The following MSI2 variants were observed in gnomAD, a reference collection of about 807,000 sequenced individuals.
The protein encoded by MSI2 is RNA-binding protein Musashi homolog 2.
MSI2 carries 17 observed loss-of-function variants against 45.6 expected under a neutral mutation model. The ratio of observed to expected loss-of-function variants is 0.37; its 90% CI spans 0.26 to 0.56. The LOEUF is 0.56. Among genes scored for constraint, MSI2 ranks in the 20% least tolerant of loss-of-function variants. The pLI, the probability that MSI2 is intolerant of heterozygous loss-of-function variation, is 0.77. For missense variants in MSI2, 293 were observed against 444.2 expected, an observed-to-expected ratio of 0.66 and a Z score of 3.06; for synonymous variants, 156 against 158.2, an observed-to-expected ratio of 0.99 and a Z score of 0.11.
intron 10 of MSI2, among the ~76,000 whole-genome samples, chr17:57,638,462 T>A (rs1324123056): frequency 6.6e-6 from 1 of 152,168 alleles, no homozygotes; most frequent in African/African-American, 2.4e-5. Context: ...GCCAGATGTG[T>A]TCCTGAGTGA....
intron 7 of MSI2, among the ~76,000 whole-genome samples, chr17:57,560,379 G>A (rs2087544977): frequency 6.6e-6 from 1 of 152,346 alleles, no homozygotes; most frequent in African/African-American, 2.4e-5. Context: ...GAGGAGCCCT[G>A]GAGCGGGGTT....
At chr17:57,287,645 G>GCTCCTACGTGGGGCATTGGAAAGCC (rs1225998025) in intron 5 of MSI2, among the ~76,000 whole-genome samples, 1 of 152,146 alleles carries the variant, frequency 6.6e-6, no homozygotes, top group Non-Finnish European at 1.5e-5. Context: ...CTGCCTTTCG[G>GCTCCTACGTGGGGCATTGGAAAGCC]CTCCTACGTG....
At chr17:57,686,886 T>C (rs903610387), downstream of MSI2, among the ~76,000 whole-genome samples, 1 of 152,114 alleles carries the variant, frequency 6.6e-6, no homozygotes, top group African/African-American at 2.4e-5. Flanking sequence ...AATAATGCAA[T>C]TAGTAAACCT....
chr17:57,575,741 C>G (rs986543101), intron 7 of MSI2, among the ~76,000 whole-genome samples: 2 of 151,500 alleles, frequency 1.3e-5, no homozygotes, highest in Admixed American at 1.3e-4. Flanking sequence ...GTCAGGAGAT[C>G]GAGACCATCC....
intron 7 of MSI2, among the ~76,000 whole-genome samples, chr17:57,594,812 G>A (rs1223018008): frequency 1.3e-5 from 2 of 152,082 alleles, no homozygotes; most frequent in African/African-American, 4.8e-5. Flanking sequence ...GGAGAAACTC[G>A]GCATCTTTGA....
chr17:57,404,945 TG>T (rs1295009108), intron 6 of MSI2, among the ~76,000 whole-genome samples: 2 of 152,290 alleles, frequency 1.3e-5, no homozygotes, highest in East Asian at 3.9e-4. Context: ...GCGTGGCCAC[TG>T]GCATAAGGAC....
intron 6 of MSI2, among the ~76,000 whole-genome samples, chr17:57,409,844 T>C (rs2084157999): frequency 6.6e-6 from 1 of 151,700 alleles, no homozygotes; most frequent in Admixed American, 6.6e-5. Flanking sequence ...CTGTCTCTAC[T>C]AAAAATACAA....
At chr17:57,481,657 T>A (rs1331629497) in intron 6 of MSI2, among the ~76,000 whole-genome samples, 1 of 152,222 alleles carries the variant, frequency 6.6e-6, no homozygotes, top group Non-Finnish European at 1.5e-5. Flanking sequence ...AAATGTTTCA[T>A]TTGAAAATGT....
At chr17:57,356,056 G>A (rs1450591527) in intron 5 of MSI2, among the ~76,000 whole-genome samples, 21 of 152,092 alleles carry the variant, frequency 1.4e-4, no homozygotes. Context: ...TCTGTTTTTA[G>A]TAGAGTTGGG....
At chr17:57,416,218 A>G (rs1299061011) in intron 6 of MSI2, among the ~76,000 whole-genome samples, 1 of 152,210 alleles carries the variant, frequency 6.6e-6, no homozygotes, top group Non-Finnish European at 1.5e-5. Flanking sequence ...AGCAGAGGAA[A>G]GCAGATATTT....
At chr17:57,387,408 G>C (rs945322832) in intron 5 of MSI2, among the ~76,000 whole-genome samples, 5 of 152,190 alleles carry the variant, frequency 3.3e-5, no homozygotes, top group African/African-American at 1.2e-4. Context: ...GGCATGTGGA[G>C]AGCATGGATG....
At chr17:57,435,530 G>A (rs1323166472) in intron 6 of MSI2, among the ~76,000 whole-genome samples, 2 of 152,178 alleles carry the variant, frequency 1.3e-5, no homozygotes, top group Non-Finnish European at 2.9e-5. Flanking sequence ...GGGGAGCTAG[G>A]AGCACCAAAG....
intron 6 of MSI2, among the ~76,000 whole-genome samples, chr17:57,510,848 C>T (rs1050452309): frequency 2.2e-4 from 33 of 152,230 alleles, no homozygotes; most frequent in African/African-American, 6.3e-4. Flanking sequence ...GTTTCTCTGG[C>T]TTTAGTCCAT....
Position 57,627,794 on chromosome 17 carries a change from G to A in MSI2, c.727+491G>A, listed in dbSNP as rs746513954. ...TGGCTTCGGCGTCCTTCTGGGCTGT[G>A]TTGATGTTGAGCTGCTAGGGGTTGG... On this transcript the variant is annotated intron_variant, in intron 10 of 13. Transcript: ENST00000284073. The surrounding 1 kb of genome is among the most constrained non-coding windows in gnomAD (Gnocchi z 4.6). 1.3e-4 allele frequency: 22 copies of A among 169,840 alleles called. No homozygotes were observed. Among genetic ancestry groups the A allele is most frequent in the Non-Finnish European group, 2.4e-4 (19 of 78,856 alleles). 10.5% of individuals were successfully genotyped at this position (169,840 alleles called of 1,614,324 possible).
intron 5 of MSI2, among the ~76,000 whole-genome samples, chr17:57,367,399 T>A (rs1917272418): frequency 6.6e-6 from 1 of 152,228 alleles, no homozygotes; most frequent in African/African-American, 2.4e-5. Flanking sequence ...TGAAGGGATC[T>A]CAGCTGAACT....
At chr17:57,413,712 T>C (rs9890779) in intron 6 of MSI2, among the ~76,000 whole-genome samples, 5,913 of 151,998 alleles carry the variant, frequency 0.039, 475 homozygotes, top group African/African-American at 0.14. Flanking sequence ...TTTTCTGGCT[T>C]CTTTTAAATT....
intron 8 of MSI2, among the ~76,000 whole-genome samples, chr17:57,603,514 G>T (rs949106295): frequency 1.3e-5 from 2 of 152,248 alleles, no homozygotes; most frequent in African/African-American, 4.8e-5. Context: ...ATAAAGCTCT[G>T]CTTTGATACC....
chr17:57,411,876 G>A (rs1378918581), intron 6 of MSI2, among the ~76,000 whole-genome samples: 1 of 151,842 alleles, frequency 6.6e-6, no homozygotes, highest in Non-Finnish European at 1.5e-5. Context: ...GTGTGGTGGC[G>A]GGCGCTTGTA....
At chr17:57,513,118 T>C (rs2086393890) in intron 6 of MSI2, among the ~76,000 whole-genome samples, 1 of 151,694 alleles carries the variant, frequency 6.6e-6, no homozygotes, top group Non-Finnish European at 1.5e-5. Flanking sequence ...GAATTACAGG[T>C]GCCCGCCACC....
Sources: gnomAD v4.1 joint callset for allele counts (sites outside exome capture counted in the v4.1 genomes callset) on GRCh38, gnomAD v4.1.1 for gene constraint, Gnocchi (gnomAD v3.1) non-coding constraint, MANE v1.5 for transcripts, NCBI Gene and HGNC (gene_info 2026-07-23, HGNC 2026-07-21) for gene names.